Variants in FN3KRP observed in about 807,000 individuals in gnomAD.
FN3KRP encodes the protein fructosamine 3 kinase related protein.
In FN3KRP, 33 loss-of-function variants were observed where a neutral mutation model predicts 29.8. That is an observed-to-expected ratio of 1.11 (90% confidence interval 0.84 to 1.48). The LOEUF (loss-of-function observed/expected upper bound fraction) is 1.48. Ranked by LOEUF, FN3KRP falls within the 40% of genes most tolerant of loss-of-function variation. The probability of loss-of-function intolerance (pLI) is 0.00; values close to 1 mark genes in which losing one functional copy is unlikely to be tolerated. For missense variants in FN3KRP, 430 were observed against 402.6 expected (o/e 1.07, Z -0.58); for synonymous variants, 157 against 155.2 (o/e 1.01, Z -0.09).
At chr17:82,718,654 C>T (rs1184764940) in intron 1 of FN3KRP, 1 of 1,250,758 alleles carries the variant, frequency 8.0e-7, no homozygotes, top group Non-Finnish European at 1.0e-6. Flanking sequence ...AGAGAACCTC[C>T]CAATTCAACC....
At position 82,726,912 on chromosome 17, in the gene FN3KRP, C is replaced by G; in HGVS notation, c.671C>G (p.Ala224Gly). Residue 224 changes from alanine (A) to glycine (G), a missense_variant, in exon 6 of 6, where the codon GCA (alanine) becomes GGA (glycine). Transcript: ENST00000269373. ...LHGDLWGGNV[A>G]EDSSGPVIFD... ...GGGGACCTCTGGGGTGGAAACGTAG[C>G]AGAGGATTCCTCTGGGCCGGTGATT... The G allele has an allele frequency of 6.2e-7, 1 of 1,607,430 alleles. No individual in the cohort carries two copies. Among genetic ancestry groups the G allele is most frequent in the Non-Finnish European group, 8.5e-7 (1 of 1,176,036 alleles).
In FN3KRP at chr17:82,726,484, A is replaced by G. The variant is rs757258512; in HGVS notation, c.473A>G (p.Asn158Ser). The change falls in exon 5 of 6, where the codon AAT (asparagine) becomes AGT (serine). Residue 158 changes from asparagine (N) to serine (S), a missense_variant. Coordinates refer to ENST00000269373, the MANE Select transcript of FN3KRP (RefSeq NM_024619.4). The stretch of plus-strand genomic sequence containing the variant: ...GCTTTTGCTGTTACTGTGCAGGTGA[A>G]TGACTGGCAGGAGGACTGGGTCGTG... ...VTCCGYLPQV[N>S]DWQEDWVVFY... is the part of the protein sequence containing the mutation. The G allele has an allele frequency of 3.7e-6, 6 of 1,613,634 alleles. No homozygotes were observed. In the Admixed American group the frequency reaches 6.7e-5, roughly 18 times the overall value.
At chr17:82,725,919 C>A (rs779147996) in intron 4 of FN3KRP, among the ~76,000 whole-genome samples, 2 of 152,148 alleles carry the variant, frequency 1.3e-5, no homozygotes, top group African/African-American at 4.8e-5. Flanking sequence ...CACGCCCGCC[C>A]GTAATCCCAG....
intron 3 of FN3KRP, chr17:82,722,563 C>T (rs372166269): frequency 2.1e-6 from 1 of 487,186 alleles, no homozygotes; most frequent in Non-Finnish European, 3.7e-6. Context: ...CAGCTAGTGT[C>T]TTTGATGCTG....
rs1342564257 is a variant in FN3KRP at position 82,722,802 on chromosome 17, A to G, written c.386-2A>G. Reference sequence around the variant, plus strand: ...TTCCTTTCTTTTACTTTTGCTTGCAAGGGAGAGGAGGTGGGCAGGAGGAAC... The same window carrying G: ...TTCCTTTCTTTTACTTTTGCTTGCAGGGGAGAGGAGGTGGGCAGGAGGAAC... On this transcript the variant is annotated splice_acceptor_variant, in intron 3 of 5. Coordinates refer to ENST00000269373, the MANE Select transcript of FN3KRP (RefSeq NM_024619.4). LOFTEE classifies it high-confidence loss of function. 2.5e-6 allele frequency: 4 copies of G among 1,613,510 alleles called. No homozygotes were observed. Among genetic ancestry groups the G allele is most frequent in the Non-Finnish European group, 3.4e-6 (4 of 1,179,902 alleles).
intron 2 of FN3KRP, among the ~76,000 whole-genome samples, 182 bp from the exon 3 acceptor site, chr17:82,720,090 T>C (rs2046787849): frequency 6.6e-6 from 1 of 151,714 alleles, no homozygotes; most frequent in Non-Finnish European, 1.5e-5. Context: ...CGCTTGAACC[T>C]GGGAGGCGGA....
intron 1 of FN3KRP, chr17:82,718,672 AC>A: frequency 7.9e-7 from 1 of 1,265,512 alleles, no homozygotes; most frequent in Non-Finnish European, 1.0e-6. Flanking sequence ...ACCACAGCAC[AC>A]AAGTGTAGTC....
chr17:82,722,842 C>T lies in FN3KRP; in HGVS notation c.424C>T (p.Arg142Trp), dbSNP rs144422621. 3.3e-5 allele frequency: 53 copies of T among 1,613,936 alleles called. No individual in the cohort carries two copies. In the Admixed American group the frequency reaches 4.3e-4, roughly 13 times the overall value. ...GGQEERPFVA[R>W]FGFDVVTCCG... ...GCAGGAGGAACGGCCCTTTGTGGCC[C>T]GGTTTGGATTTGACGTGGTGACGTG... Residue 142 changes from arginine (R) to tryptophan (W), a missense_variant, in exon 4 of 6, where the codon CGG (arginine) becomes TGG (tryptophan). Physicochemically the swap from Arg to Trp is moderately radical, Grantham distance 101 (BLOSUM62 -3). Coordinates refer to ENST00000269373, the MANE Select transcript of FN3KRP (RefSeq NM_024619.4).
intron 3 of FN3KRP, among the ~76,000 whole-genome samples, chr17:82,721,738 G>C (rs7223874): frequency 6.6e-6 from 1 of 151,636 alleles, no homozygotes; most frequent in Non-Finnish European, 1.5e-5. Flanking sequence ...TCCTGACCTC[G>C]TGATCCACCT....
chr17:82,722,974 G>C, intron 4 of FN3KRP, 88 bp downstream of exon 4: 1 of 1,176,084 alleles, frequency 8.5e-7, no homozygotes, highest in South Asian at 1.4e-5. Flanking sequence ...TCCTTTTTTT[G>C]TGAGCTTCAG....
At chr17:82,718,280 C>T (rs967942306) in intron 1 of FN3KRP, among the ~76,000 whole-genome samples, 94 of 151,898 alleles carry the variant, frequency 6.2e-4, no homozygotes, top group African/African-American at 2.1e-3. Context: ...GGAAAGGCCG[C>T]TGGCTCTGAC....
Position 82,727,482 on chromosome 17 carries a change from G to A in FN3KRP, c.*311G>A. 1 of 271,596 alleles carries A rather than the reference G, an allele frequency of 3.7e-6. No homozygotes were observed. Among genetic ancestry groups the A allele is most frequent in the Non-Finnish European group, 7.0e-6 (1 of 142,502 alleles). 16.8% of individuals were successfully genotyped at this position (271,596 alleles called of 1,614,324 possible). A position where few individuals can be genotyped will look rare whatever the true frequency, so the allele number is the denominator to read the frequency against. ...TGTAAGTGAACCCCTGTGGGTGCGG[G>A]GGAGGGTATCCGGTGCGCAGGGAGG... On this transcript the variant is annotated 3_prime_UTR_variant, in exon 6 of 6. Coordinates refer to ENST00000269373, the MANE Select transcript of FN3KRP (RefSeq NM_024619.4).
At position 82,719,008 on chromosome 17, in the gene FN3KRP, G is replaced by C. The variant is rs373633086; in HGVS notation, c.244G>C (p.Gly82Arg). The change falls in exon 2 of 6, where the codon GGC (glycine) becomes CGC (arginine). Residue 82 changes from glycine to arginine, a missense_variant. Transcript: ENST00000269373. ...CATCAAGGTTCTGGATGCCCCAGGC[G>C]GCGGGAGCGTGCTGGTGATGGAGCA... The part of the protein sequence containing the change: ...KPIKVLDAPG[G>R]GSVLVMEHMD... 3 of 1,614,064 alleles carry C rather than the reference G, an allele frequency of 1.9e-6. No individual in the cohort carries two copies. In the African/African-American group the frequency reaches 4.0e-5, roughly 22 times the overall value.
intron 4 of FN3KRP, among the ~76,000 whole-genome samples, chr17:82,724,704 G>A (rs538528007): frequency 1.3e-5 from 2 of 152,268 alleles, no homozygotes; most frequent in East Asian, 3.9e-4. Flanking sequence ...TGTGCTGCAT[G>A]TGTGCCAACC....
chr17:82,718,756 T>C (rs1288575527), intron 1 of FN3KRP, 150 bp from the exon 2 acceptor site: 10 of 1,219,004 alleles, frequency 8.2e-6, no homozygotes, highest in African/African-American at 1.5e-5. Context: ...TTGGCAAGTG[T>C]GTTTGAAAAC....
rs201627539 is a variant in FN3KRP at position 82,720,359 on chromosome 17, A to G, written c.381A>G (p.Thr127=). ...AGATGCGCCTGAAGGAGGCGGGCAC[A>G]GTGGGTATGGCACTGCGCGGGCCAC... is the stretch of plus-strand genomic sequence containing the variant. ...LGEMRLKEAG[T]VGRGGGQEER... Residue 127 remains threonine (T), a synonymous_variant, in exon 3 of 6, where the codon ACA becomes ACG. Transcript: ENST00000269373. The G allele has an allele frequency of 3.7e-6, 6 of 1,613,102 alleles. No homozygotes were observed. In the East Asian group the frequency reaches 8.9e-5, roughly 24 times the overall value.
chr17:82,722,708 A>C (rs2046806558), intron 3 of FN3KRP, 96 bp from the exon 4 acceptor site: 1 of 1,174,034 alleles, frequency 8.5e-7, no homozygotes, highest in African/African-American at 1.5e-5. Context: ...AGCTGGTAGG[A>C]GCTCGCTGAG....
intron 4 of FN3KRP, among the ~76,000 whole-genome samples, chr17:82,726,140 A>G (rs1474376168): frequency 1.3e-5 from 2 of 152,196 alleles, no homozygotes; most frequent in Non-Finnish European, 2.9e-5. Flanking sequence ...AGATGGCGCC[A>G]CTGCACTCCA....
rs777080060 is a variant in FN3KRP, at chr17:82,719,054, G to C, written c.290G>C (p.Ser97Thr). ...GAGCACATGGACATGAGGCATCTGA[G>C]CAGGTGCATCTTCACACCACCCCCC... ...VMEHMDMRHL[S>T]SHAAKLGAQL... Residue 97 changes from serine (S) to threonine (T), a missense_variant, in exon 2 of 6, where the codon AGC (serine) becomes ACC (threonine). By Grantham distance (58) the Ser-to-Thr change is moderately conservative. Transcript: ENST00000269373. 37 of 1,595,994 alleles carry C rather than the reference G, an allele frequency of 2.3e-5. No homozygotes were observed. The highest frequency in any genetic ancestry group is 3.1e-5 in the Non-Finnish European group (36 of 1,175,432).
Sources: gnomAD v4.1 joint callset for allele counts (sites outside exome capture counted in the v4.1 genomes callset) on GRCh38, gnomAD v4.1.1 for gene constraint, MANE v1.5 for transcripts, NCBI Gene and HGNC (gene_info 2026-07-23, HGNC 2026-07-21) for gene names.